Variants in CSRNP3 observed in about 807,000 individuals in gnomAD.
CSRNP3 encodes cysteine/serine-rich nuclear protein 3.
In CSRNP3, 12 loss-of-function variants were observed where a neutral mutation model predicts 48.0. That is an observed-to-expected ratio of 0.25 (90% CI 0.16 to 0.41). The LOEUF (loss-of-function observed/expected upper bound fraction) is 0.41. Ranked by LOEUF, CSRNP3 falls within the 10% of genes least tolerant of loss-of-function variation. CSRNP3 has a pLI of 1.00. For synonymous variants in CSRNP3, 263 were observed against 269.7 expected, an observed-to-expected ratio of 0.98 and a Z score of 0.24; for missense variants, 580 against 724.4, an observed-to-expected ratio of 0.80 and a Z score of 2.29.
chr2:165,641,997 T>A (rs180882283), intron 4 of CSRNP3, among the ~76,000 whole-genome samples: 1 of 152,126 alleles, frequency 6.6e-6, no homozygotes, highest in African/African-American at 2.4e-5. Flanking sequence ...AGAATATTTC[T>A]TGTAACAAAT....
chr2:165,597,469 A>G (rs1685831841), intron 4 of CSRNP3, among the ~76,000 whole-genome samples: 9 of 152,188 alleles, frequency 5.9e-5, no homozygotes. Flanking sequence ...ACATATGCCA[A>G]AATACCAGAT....
At chr2:165,614,811 T>C (rs900480255) in intron 4 of CSRNP3, among the ~76,000 whole-genome samples, 4 of 152,230 alleles carry the variant, frequency 2.6e-5, no homozygotes, top group African/African-American at 9.6e-5. Context: ...ATTTCTTCAC[T>C]GACCTAATAA....
chr2:165,481,846 G>T (rs947278951), intron 1 of CSRNP3, among the ~76,000 whole-genome samples: 1 of 151,992 alleles, frequency 6.6e-6, no homozygotes, highest in African/African-American at 2.4e-5. Flanking sequence ...ACCAAATACC[G>T]CATGTTCTCA....
At chr2:165,480,186 G>C (rs4438496) in intron 1 of CSRNP3, among the ~76,000 whole-genome samples, 1 of 151,906 alleles carries the variant, frequency 6.6e-6, no homozygotes, top group African/African-American at 2.4e-5. Flanking sequence ...CTCTCTCATC[G>C]AATCCCTCTC....
intron 6 of CSRNP3, among the ~76,000 whole-genome samples, chr2:165,677,227 T>A (rs923951064): frequency 1.3e-5 from 2 of 152,240 alleles, no homozygotes; most frequent in Non-Finnish European, 2.9e-5. Context: ...AATAAAGTTT[T>A]ATTGGATCAC....
intron 3 of CSRNP3, among the ~76,000 whole-genome samples, chr2:165,573,854 A>T (rs1004258329): frequency 6.6e-6 from 1 of 152,134 alleles, no homozygotes; most frequent in Non-Finnish European, 1.5e-5. Context: ...TTAAAAAAAA[A>T]GCTGTGTTTC....
At chr2:165,534,678 A>G (rs936160113) in intron 3 of CSRNP3, among the ~76,000 whole-genome samples, 1 of 151,840 alleles carries the variant, frequency 6.6e-6, no homozygotes, top group Non-Finnish European at 1.5e-5. Flanking sequence ...ATAAAAAAAT[A>G]AAGTGGTTCT....
In CSRNP3 at chr2:165,657,813, T is replaced by C. The variant is rs759438129; in HGVS notation, c.201T>C (p.Phe67=). 2 of 1,614,108 alleles carry C rather than the reference T, an allele frequency of 1.2e-6. No homozygotes were observed. Among genetic ancestry groups the C allele is most frequent in the African/African-American group, 1.3e-5 (1 of 75,028 alleles). ...EKRLRTKNVH[F]SCVTVYYFTR... is the part of the protein sequence containing the mutation. ...GACTGAGGACAAAGAATGTACATTT[T>C]AGTTGTGTCACCGTGTACTACTTCA... Residue 67 remains phenylalanine, a synonymous_variant, in exon 5 of 7, where the codon TTT becomes TTC. Transcript: ENST00000651982.
chr2:165,600,612 T>G lies in CSRNP3; in HGVS notation c.148+5399T>G, dbSNP rs375027823. Among the ~76,000 whole-genome samples, 51 of 152,350 alleles carry G rather than the reference T, an allele frequency of 3.3e-4. No homozygotes were observed. In the South Asian group the frequency reaches 0.01, roughly 30 times the overall value. On this transcript the variant is annotated intron_variant, in intron 4 of 6. Transcript: ENST00000651982. Reference sequence around the variant, plus strand: ...CAGCACCTGTTGTTTCCTGACTTTTTAATGATTGCCATTCTAACTGGTGTG... The same window carrying G: ...CAGCACCTGTTGTTTCCTGACTTTTGAATGATTGCCATTCTAACTGGTGTG...
chr2:165,506,536 G>C (rs757496363), intron 2 of CSRNP3, among the ~76,000 whole-genome samples: 13 of 152,070 alleles, frequency 8.5e-5, no homozygotes, highest in Admixed American at 1.3e-4. Context: ...CCTCTCCAGG[G>C]ATTCGGCTCC....
Position 165,682,213 on chromosome 2 carries a change from G to A in CSRNP3, c.*2460G>A, listed in dbSNP as rs1687559539. On this transcript the variant is annotated 3_prime_UTR_variant, in exon 7 of 7. Transcript: ENST00000651982. ...AGCCTACTTTTTTATTTTTGGCTAG[G>A]TCTTTGTTTTCTAGCTTTGTTTCCA... The A allele has an allele frequency of 6.6e-6, 1 of 151,982 alleles. No individual in the cohort carries two copies. Among genetic ancestry groups the A allele is most frequent in the Non-Finnish European group, 1.5e-5 (1 of 67,970 alleles). The allele number at this position is 151,982 out of a possible 1,614,324, so 9.4% of individuals were successfully genotyped here. A position where few individuals can be genotyped will look rare whatever the true frequency, so the allele number is the denominator to read the frequency against.
chr2:165,676,663 A>G, intron 6 of CSRNP3, 55 bp downstream of exon 6: 1 of 1,518,656 alleles, frequency 6.6e-7, no homozygotes, highest in Non-Finnish European at 9.1e-7. Context: ...ACCACCCCCT[A>G]AGGAGGCAGT....
At chr2:165,547,530 G>A (rs1225986420) in intron 3 of CSRNP3, among the ~76,000 whole-genome samples, 1 of 151,866 alleles carries the variant, frequency 6.6e-6, no homozygotes, top group East Asian at 1.9e-4. Flanking sequence ...GATTATTAGA[G>A]AGATTGAGCA....
intron 3 of CSRNP3, among the ~76,000 whole-genome samples, chr2:165,566,266 G>T (rs750090047): frequency 2.0e-5 from 3 of 151,840 alleles, no homozygotes; most frequent in Non-Finnish European, 4.4e-5. Context: ...ACATACATTA[G>T]TCATGCCTCA....
intron 3 of CSRNP3, among the ~76,000 whole-genome samples, chr2:165,588,818 G>A (rs1685671425): frequency 6.6e-6 from 1 of 152,068 alleles, no homozygotes; most frequent in Non-Finnish European, 1.5e-5. Flanking sequence ...ACTTAGGTGG[G>A]CATGGTGGTG....
intron 3 of CSRNP3, among the ~76,000 whole-genome samples, chr2:165,544,615 T>G (rs754365734): frequency 1.3e-5 from 2 of 152,106 alleles, no homozygotes; most frequent in African/African-American, 2.4e-5. Context: ...TCTGAATATA[T>G]TTTGAACGTA....
intron 2 of CSRNP3, among the ~76,000 whole-genome samples, chr2:165,512,197 T>C (rs1684516488): frequency 6.6e-6 from 1 of 152,176 alleles, no homozygotes; most frequent in African/African-American, 2.4e-5. Context: ...CCTTTTCCAG[T>C]GGTAGAACTT....
chr2:165,526,435 A>G (rs1574821633), intron 3 of CSRNP3, among the ~76,000 whole-genome samples: 5 of 152,232 alleles, frequency 3.3e-5, no homozygotes. Flanking sequence ...TATGAATCTC[A>G]TTAGGATAAT....
In CSRNP3 at chr2:165,577,875, G is replaced by A. The variant is rs932567747; in HGVS notation, c.-23-17168G>A. Among the ~76,000 whole-genome samples the A allele has an allele frequency of 6.6e-5, 10 of 151,688 alleles. No individual in the cohort carries two copies. The South Asian group carries it at 1.5e-3, about 22-fold the overall frequency. ...AGAGAAACCTTTCTCCATATTTCTC[G>A]TACGTACTGAACTCCTGACAGATAC... On this transcript the variant is annotated intron_variant, in intron 3 of 6. Coordinates refer to ENST00000651982, the MANE Select transcript of CSRNP3 (RefSeq NM_001172173.2).
Sources: gnomAD v4.1 joint callset for allele counts (sites outside exome capture counted in the v4.1 genomes callset) on GRCh38, gnomAD v4.1.1 for gene constraint, MANE v1.5 for transcripts, NCBI Gene and HGNC (gene_info 2026-07-23, HGNC 2026-07-21) for gene names.